PAK4: variants seen among roughly 807,000 people sequenced by gnomAD.
The protein encoded by PAK4 is p21 (RAC1) activated kinase 4.
Under a neutral mutation model 53.5 loss-of-function variants are expected in PAK4, and 49 were observed. The observed-to-expected ratio is 0.92, with a 90% confidence interval of 0.73 to 1.16. The LOEUF is 1.16. Among genes scored for constraint, PAK4 ranks in the 50% most tolerant of loss-of-function variants. PAK4 has a pLI of 0.00. For synonymous variants in PAK4, 376 were observed against 375.6 expected (o/e 1.00, Z -0.01); for missense variants, 824 against 850.7 (o/e 0.97, Z 0.39).
intron 1 of PAK4, among the ~76,000 whole-genome samples, chr19:39,160,890 C>G (rs1349784728): frequency 1.3e-5 from 2 of 152,230 alleles, no homozygotes; most frequent in East Asian, 1.9e-4. Flanking sequence ...AAGGTCCTTT[C>G]TTTAGAGTGG....
chr19:39,182,690 G>T (rs1002830293), downstream of PAK4: 4 of 151,756 alleles, frequency 2.6e-5, no homozygotes, highest in Admixed American at 6.6e-5. Flanking sequence ...GTGGTGGTGG[G>T]CGCCTGTAAT....
chr19:39,156,487 T>A (rs554686845), intron 1 of PAK4, among the ~76,000 whole-genome samples: 1 of 152,290 alleles, frequency 6.6e-6, no homozygotes, highest in East Asian at 1.9e-4. Context: ...GGGGTGTGCC[T>A]GTTGGTGGGA....
chr19:39,176,507 C>T (rs1208237515), intron 6 of PAK4, 83 bp from the exon 8 acceptor site: 1 of 1,578,862 alleles, frequency 6.3e-7, no homozygotes, highest in African/African-American at 1.3e-5. Context: ...TGTCTGAAGC[C>T]AAGGAATGAC....
chr19:39,175,305 C>T lies in PAK4; in HGVS notation c.1233-7C>T, dbSNP rs906223405. The T allele has an allele frequency of 7.0e-6, 11 of 1,569,206 alleles. No individual in the cohort carries two copies. In the Admixed American group the frequency reaches 1.9e-4, roughly 27 times the overall value. On this transcript the variant is annotated splice_polypyrimidine_tract_variant and splice_region_variant and intron_variant, in intron 5 of 8. Transcript: ENST00000358301. The surrounding 1 kb of genome is among the most constrained non-coding windows in gnomAD (Gnocchi z 4.7). Reference sequence around the variant, plus strand: ...GCTGGCTGCTCACCCCCCACCCCACCCCGCAGGATGAACGAGGAGCAGATC... The same window carrying T: ...GCTGGCTGCTCACCCCCCACCCCACTCCGCAGGATGAACGAGGAGCAGATC...
exon 2 of PAK4, chr19:39,169,551 A>G: frequency 6.2e-7 from 1 of 1,612,418 alleles, no homozygotes. Context: ...AGTCCCCGGC[A>G]CCATGTTTGG....
Position 39,161,424 on chromosome 19 carries a change from C to G in PAK4, c.-22-8108C>G, listed in dbSNP as rs1459656761. Among the ~76,000 whole-genome samples, 5 of 152,150 alleles carry G rather than the reference C, an allele frequency of 3.3e-5. No individual in the cohort carries two copies. The highest frequency in any genetic ancestry group is 6.5e-5 in the Admixed American group (1 of 15,276). On this transcript the variant is annotated intron_variant, in intron 1 of 8. Coordinates refer to ENST00000358301, the Ensembl canonical transcript of PAK4. This position sits in a 1 kb window ranked among gnomAD's most constrained non-coding sequence, Gnocchi z 4.5. Reference sequence around the variant, plus strand: ...CCCTGCCTATGAGCTCACGCTGCAGCCCTCGGCCAGTCCTGCCACCTCCAC... The same window carrying G: ...CCCTGCCTATGAGCTCACGCTGCAGGCCTCGGCCAGTCCTGCCACCTCCAC...
chr19:39,159,799 G>A (rs560085278), intron 1 of PAK4, among the ~76,000 whole-genome samples: 20 of 152,322 alleles, frequency 1.3e-4, no homozygotes, highest in Admixed American at 2.6e-4. Flanking sequence ...GCCTGGTGGC[G>A]GGGACGGCGC....
At chr19:39,130,760 C>G (rs1192539376) in intron 1 of PAK4, among the ~76,000 whole-genome samples, 1 of 151,808 alleles carries the variant, frequency 6.6e-6, no homozygotes, top group Non-Finnish European at 1.5e-5. Flanking sequence ...ACAGCAGGGC[C>G]TAGCAGAGCC....
At chr19:39,140,340 C>T (rs1204131692) in intron 1 of PAK4, among the ~76,000 whole-genome samples, 1 of 152,174 alleles carries the variant, frequency 6.6e-6, no homozygotes, top group African/African-American at 2.4e-5. Context: ...GCCTCCCTAA[C>T]AGCTCCTGAC....
chr19:39,175,570 G>T lies in PAK4; in HGVS notation c.1359+132G>T, dbSNP rs1168879672. The T allele has an allele frequency of 8.0e-6, 8 of 995,038 alleles. No individual in the cohort carries two copies. The highest frequency in any genetic ancestry group is 1.2e-5 in the Non-Finnish European group (8 of 681,644). 61.6% of individuals were successfully genotyped at this position (995,038 alleles called of 1,614,324 possible). On this transcript the variant is annotated intron_variant, in intron 6 of 8. Coordinates refer to ENST00000358301, the Ensembl canonical transcript of PAK4. The surrounding 1 kb of genome is among the most constrained non-coding windows in gnomAD (Gnocchi z 4.7). ...TGTGTCTTGAGGAGCTGGGAACTTC[G>T]TCCCTCCCTGGTGGAGCAGCCCAGA...
At chr19:39,177,942 A>G in intron 8 of PAK4, 133 bp downstream of exon 9, 2 of 1,024,306 alleles carry the variant, frequency 2.0e-6, no homozygotes, top group Non-Finnish European at 2.8e-6. Context: ...TGGGCCCCCC[A>G]CCCCCGGGCC....
intron 1 of PAK4, among the ~76,000 whole-genome samples, chr19:39,166,191 T>C (rs899799739): frequency 6.6e-6 from 1 of 152,222 alleles, no homozygotes; most frequent in Non-Finnish European, 1.5e-5. Flanking sequence ...GGCGCAGGGC[T>C]CACGCCTGTA....
chr19:39,127,377 C>T (rs950158182), intron 1 of PAK4, among the ~76,000 whole-genome samples: 2 of 152,076 alleles, frequency 1.3e-5, no homozygotes, highest in Admixed American at 1.3e-4. Context: ...CCACCCTGCC[C>T]TCTCTCACTG....
intron 1 of PAK4, 132 bp from the exon 2 acceptor site, chr19:39,168,098 C>T (rs2074408757): frequency 6.6e-6 from 1 of 152,394 alleles, no homozygotes; most frequent in East Asian, 1.9e-4. Context: ...CTGTCTGCCC[C>T]ACACGAATTT....
chr19:39,137,921 C>T (rs545780231), intron 1 of PAK4, among the ~76,000 whole-genome samples: 2 of 151,976 alleles, frequency 1.3e-5, no homozygotes, highest in South Asian at 4.1e-4. Context: ...CCACCTTGGC[C>T]TCCCAAAGTG....
intron 1 of PAK4, among the ~76,000 whole-genome samples, chr19:39,159,488 T>C (rs1437393394): frequency 6.6e-6 from 1 of 152,052 alleles, no homozygotes; most frequent in Non-Finnish European, 1.5e-5. Flanking sequence ...TGGGTTCAAG[T>C]GATTCTCGTG....
rs1456744008 is a variant in PAK4 at position 39,161,066 on chromosome 19, G to C, written c.-22-8466G>C. 1.3e-5 allele frequency among the ~76,000 whole-genome samples: 2 copies of C among 152,202 alleles called. No individual in the cohort carries two copies. Among genetic ancestry groups the C allele is most frequent in the Admixed American group, 1.3e-4 (2 of 15,284 alleles). ...TCCTGGTTTGGGGAACAGGAAGGAA[G>C]AGGACTCCCCACCCAGCACCCAGCA... is the stretch of plus-strand genomic sequence containing the variant. On this transcript the variant is annotated intron_variant, in intron 1 of 8. Transcript: ENST00000358301. This position sits in a 1 kb window ranked among gnomAD's most constrained non-coding sequence, Gnocchi z 4.5.
chr19:39,158,221 G>C (rs558741207), intron 1 of PAK4, among the ~76,000 whole-genome samples: 85 of 151,918 alleles, frequency 5.6e-4, no homozygotes, highest in African/African-American at 2.0e-3. Context: ...GTGGGTGTGC[G>C]TGTGTGTGCA....
intron 1 of PAK4, among the ~76,000 whole-genome samples, chr19:39,138,407 G>T (rs997653142): frequency 6.6e-6 from 1 of 152,192 alleles, no homozygotes; most frequent in Non-Finnish European, 1.5e-5. Context: ...CAAGCATGTT[G>T]TCAGTGTATG....
Sources: gnomAD v4.1 joint callset for allele counts (sites outside exome capture counted in the v4.1 genomes callset) on GRCh38, gnomAD v4.1.1 for gene constraint, Gnocchi (gnomAD v3.1) non-coding constraint, MANE v1.5 for transcripts, NCBI Gene and HGNC (gene_info 2026-07-23, HGNC 2026-07-21) for gene names.